The following ADAMTSL1 variants were observed in gnomAD, a reference collection of about 807,000 sequenced individuals.
ADAMTSL1 encodes the protein ADAMTS like 1, also known as ADAMTS-like protein 1.
ADAMTSL1 carries 126 observed loss-of-function variants against 201.8 expected under a neutral mutation model. The ratio of observed to expected loss-of-function variants is 0.62; its 90% CI spans 0.54 to 0.72. ADAMTSL1 has a LOEUF of 0.72. ADAMTSL1 is among the 30% of genes least tolerant of loss of function. ADAMTSL1 has a pLI of 0.00. For synonymous variants in ADAMTSL1, 1,121 were observed against 903.4 expected (o/e 1.24, Z -4.32); for missense variants, 2,679 against 2,277.8 (o/e 1.18, Z -3.59).
At chr9:18,608,544 G>A (rs1825173050) in intron 4 of ADAMTSL1, among the ~76,000 whole-genome samples, 2 of 152,120 alleles carry the variant, frequency 1.3e-5, no homozygotes, top group South Asian at 4.1e-4. Context: ...ATTTGCTTTT[G>A]TCTAAAATGA....
chr9:18,648,298 G>C (rs1024905485), intron 7 of ADAMTSL1, among the ~76,000 whole-genome samples: 1 of 146,786 alleles, frequency 6.8e-6, no homozygotes, highest in African/African-American at 2.5e-5. Context: ...TGTGAGATGG[G>C]TTTCCTGAAT....
rs1332033364 is a variant in ADAMTSL1, at chr9:18,718,068, C to T, written c.1877-3468C>T. On this transcript the variant is annotated intron_variant, in intron 14 of 28. Coordinates refer to ENST00000380548, the MANE Select transcript of ADAMTSL1 (RefSeq NM_001040272.6). Reference sequence around the variant, plus strand: ...ACTAGGTCATAAAAGATCTCATTAACATTTATTTTGAATTTTGTAGAAGAA... The same window carrying T: ...ACTAGGTCATAAAAGATCTCATTAATATTTATTTTGAATTTTGTAGAAGAA... 4.0e-6 allele frequency: 6 copies of T among 1,489,882 alleles called. No individual in the cohort carries two copies. In the East Asian group the frequency reaches 1.1e-4, roughly 28 times the overall value. 92.3% of individuals were successfully genotyped at this position (1,489,882 alleles called of 1,614,324 possible).
At chr9:18,715,566 A>G (rs965569104) in intron 14 of ADAMTSL1, among the ~76,000 whole-genome samples, 4 of 152,098 alleles carry the variant, frequency 2.6e-5, no homozygotes, top group African/African-American at 9.7e-5. Flanking sequence ...ACTACAAACC[A>G]CTACTCAAGG....
intron 3 of ADAMTSL1, among the ~76,000 whole-genome samples, chr9:18,539,192 A>G (rs1216206335): frequency 1.3e-5 from 2 of 152,174 alleles, no homozygotes; most frequent in Non-Finnish European, 2.9e-5. Flanking sequence ...TTGATCAATC[A>G]GTTTTAAAAC....
chr9:18,084,236 G>A (rs151041668), intron 1 of ADAMTSL1, among the ~76,000 whole-genome samples: 1 of 152,208 alleles, frequency 6.6e-6, no homozygotes, highest in Non-Finnish European at 1.5e-5. Flanking sequence ...AGAGGTGGTG[G>A]TGAGGCTGGG....
chr9:18,491,834 G>T (rs1822285363), intron 1 of ADAMTSL1, among the ~76,000 whole-genome samples: 1 of 152,114 alleles, frequency 6.6e-6, no homozygotes, highest in East Asian at 1.9e-4. Flanking sequence ...TACAAGTAGA[G>T]CTGTACTATT....
intron 3 of ADAMTSL1, 77 bp from the exon 4 acceptor site, chr9:18,573,953 A>C: frequency 8.6e-7 from 1 of 1,158,916 alleles, no homozygotes. Flanking sequence ...ACCTAAGCAG[A>C]CCATATAGCT....
intron 23 of ADAMTSL1, among the ~76,000 whole-genome samples, chr9:18,878,790 A>AAGTT (rs2131498131): frequency 6.6e-6 from 1 of 152,286 alleles, no homozygotes; most frequent in Non-Finnish European, 1.5e-5. Flanking sequence ...TGGAAGCTGC[A>AAGTT]AGTTAGTTTT....
intron 2 of ADAMTSL1, among the ~76,000 whole-genome samples, chr9:18,529,639 G>C (rs974873786): frequency 6.6e-6 from 1 of 152,172 alleles, no homozygotes; most frequent in African/African-American, 2.4e-5. Flanking sequence ...AGACTAGTTA[G>C]TGTTTCTATT....
intron 2 of ADAMTSL1, among the ~76,000 whole-genome samples, chr9:18,529,302 A>T (rs76351168): frequency 6.6e-6 from 1 of 152,316 alleles, no homozygotes; most frequent in Middle Eastern, 3.4e-3. Context: ...AACTGATATA[A>T]TAACAACAAG....
intron 10 of ADAMTSL1, among the ~76,000 whole-genome samples, chr9:18,679,513 T>A (rs1380960798): frequency 3.3e-5 from 5 of 152,106 alleles, no homozygotes; most frequent in African/African-American, 1.2e-4. Flanking sequence ...TCAATGGAAG[T>A]CTCTTAAATG....
intron 2 of ADAMTSL1, among the ~76,000 whole-genome samples, chr9:18,456,506 C>T (rs1290385531): frequency 1.3e-5 from 2 of 152,150 alleles, no homozygotes; most frequent in African/African-American, 4.8e-5. Flanking sequence ...GAACATAACA[C>T]CAGGGACATC....
At chr9:18,594,499 TG>T (rs1474805627) in intron 4 of ADAMTSL1, among the ~76,000 whole-genome samples, 6 of 152,330 alleles carry the variant, frequency 3.9e-5, no homozygotes, top group Non-Finnish European at 8.8e-5. Context: ...CCATAAACTT[TG>T]TTCATTCCTT....
At chr9:18,168,611 C>A (rs901593681) in intron 2 of ADAMTSL1, among the ~76,000 whole-genome samples, 6 of 151,028 alleles carry the variant, frequency 4.0e-5, no homozygotes, top group African/African-American at 1.2e-4. Context: ...TTTATAGCAG[C>A]ATGATTTATA....
At chr9:17,923,536 G>T (rs567552122) in intron 1 of ADAMTSL1, among the ~76,000 whole-genome samples, 2 of 151,702 alleles carry the variant, frequency 1.3e-5, no homozygotes, top group East Asian at 1.9e-4. Context: ...TGAGACAATG[G>T]GGTTTTCTAG....
At chr9:18,644,251 A>T (rs1452150789) in intron 7 of ADAMTSL1, among the ~76,000 whole-genome samples, 2 of 151,940 alleles carry the variant, frequency 1.3e-5, no homozygotes, top group East Asian at 3.9e-4. Context: ...GAATTTATTG[A>T]TTAGTTCTAA....
At chr9:18,412,622 G>C (rs1404200788) in intron 2 of ADAMTSL1, among the ~76,000 whole-genome samples, 1 of 152,148 alleles carries the variant, frequency 6.6e-6, no homozygotes, top group East Asian at 1.9e-4. Flanking sequence ...GGTGGTTGTG[G>C]TTTTGCGTTT....
At chr9:18,752,814 T>G (rs1819539715) in intron 15 of ADAMTSL1, among the ~76,000 whole-genome samples, 1 of 152,232 alleles carries the variant, frequency 6.6e-6, no homozygotes, top group African/African-American at 2.4e-5. Context: ...GCAATGGAAC[T>G]TTAAAGGAAG....
intron 2 of ADAMTSL1, among the ~76,000 whole-genome samples, chr9:18,214,381 G>C (rs908331620): frequency 2.0e-5 from 3 of 152,154 alleles, no homozygotes; most frequent in Non-Finnish European, 4.4e-5. Flanking sequence ...TTCACCCAAA[G>C]CAATGATATT....
Sources: allele counts gnomAD v4.1 joint callset (sites outside exome capture counted in the v4.1 genomes callset), GRCh38; gene constraint gnomAD v4.1.1; transcripts MANE v1.5; gene names NCBI Gene and HGNC (gene_info 2026-07-23, HGNC 2026-07-21).